Variants in OR10G3 observed in about 807,000 individuals in gnomAD.
OR10G3 encodes the protein olfactory receptor 10G3.
OR10G3 carries 8 observed loss-of-function variants against 13.4 expected under a neutral mutation model. The ratio of observed to expected loss-of-function variants is 0.60; its 90% CI spans 0.35 to 1.08. The LOEUF is 1.08. OR10G3 is among the 50% of genes least tolerant of loss of function. The pLI is 0.02. For synonymous variants in OR10G3, 142 were observed against 156.1 expected (o/e 0.91, Z 0.67); for missense variants, 393 against 386.6 (o/e 1.02, Z -0.14).
At chr14:21,572,742 TGGATGGG>T (rs1329338993) in intron 1 of OR10G3, among the ~76,000 whole-genome samples, 2 of 152,104 alleles carry the variant, frequency 1.3e-5, no homozygotes, top group Non-Finnish European at 2.9e-5. Flanking sequence ...TGACCTTAAA[TGGATGGG>T]TTGATTTCTG....
chr14:21,576,000 C>T (rs1893125286), intron 1 of OR10G3, among the ~76,000 whole-genome samples: 1 of 152,138 alleles, frequency 6.6e-6, no homozygotes, highest in Non-Finnish European at 1.5e-5. Context: ...GCTCAAGTTC[C>T]CACACAGGTT....
At chr14:21,578,481 A>G (rs1484321836) in intron 1 of OR10G3, among the ~76,000 whole-genome samples, 1 of 152,122 alleles carries the variant, frequency 6.6e-6, no homozygotes. Flanking sequence ...TGTTTGAAAA[A>G]TATATGAGAA....
At position 21,569,953 on chromosome 14, in the gene OR10G3, T is replaced by A; in HGVS notation, c.792A>T (p.Glu264Asp). ...VPCAFIYLRP[E>D]TNSPLDGAAA... ...CTGCCCCATCCAGGGGGCTGTTGGT[T>A]TCAGGCCTCAGGTAGATGAAGGCAC... Residue 264 changes from glutamate to aspartate, a missense_variant, in exon 2 of 2, where the codon GAA (glutamate) becomes GAT (aspartate). By Grantham distance (45) the Glu-to-Asp change is conservative (BLOSUM62 2). Coordinates refer to ENST00000641040, the MANE Select transcript of OR10G3 (RefSeq NM_001005465.2). The A allele has an allele frequency of 6.2e-7, 1 of 1,612,674 alleles. No individual in the cohort carries two copies. Among genetic ancestry groups the A allele is most frequent in the Non-Finnish European group, 8.5e-7 (1 of 1,179,140 alleles).
chr14:21,568,694 CTTTG>C lies in OR10G3; in HGVS notation c.*1105_*1108del, dbSNP rs1566535023. The C allele has an allele frequency of 2.9e-5, 3 of 102,766 alleles. No homozygotes were observed. The East Asian group carries it at 1.0e-3, about 35-fold the overall frequency. 6.4% of individuals were successfully genotyped at this position (102,766 alleles called of 1,614,324 possible). The stretch of plus-strand genomic sequence containing the variant: ...TCACCCCTGTGTTAGTCAGGGGTCT[CTTTG>C]TTTTTTTTTTTTTTATTTTTTTATT... On this transcript the variant is annotated 3_prime_UTR_variant, in exon 2 of 2. Coordinates refer to ENST00000641040, the MANE Select transcript of OR10G3 (RefSeq NM_001005465.2).
At chr14:21,576,570 T>C (rs1389555090) in intron 1 of OR10G3, among the ~76,000 whole-genome samples, 5 of 152,240 alleles carry the variant, frequency 3.3e-5, no homozygotes, top group Non-Finnish European at 5.9e-5. Flanking sequence ...ATTTTCTCCC[T>C]GAATTTCTAT....
intron 1 of OR10G3, among the ~76,000 whole-genome samples, chr14:21,571,834 T>C (rs1214485154): frequency 6.6e-6 from 1 of 151,966 alleles, no homozygotes; most frequent in Non-Finnish European, 1.5e-5. Context: ...CTACCATGCC[T>C]GGCTAATTTT....
Position 21,570,032 on chromosome 14 carries a change from G to C in OR10G3, c.713C>G (p.Ala238Gly). ...TACATGGGCTCCACAAGTTGAAAAA[G>C]CCCGGCGCCGCCCATCAGCTGTGTG... ...RIHTADGRRR[A>G]FSTCGAHVTV... The change falls in exon 2 of 2, where the codon GCT becomes GGT. Residue 238 changes from alanine to glycine, a missense_variant. Ala to Gly is a moderately conservative substitution (Grantham distance 60). Transcript: ENST00000641040. The C allele has an allele frequency of 6.2e-7, 1 of 1,614,204 alleles. No homozygotes were observed. Among genetic ancestry groups the C allele is most frequent in the East Asian group, 2.2e-5 (1 of 44,886 alleles).
intron 1 of OR10G3, among the ~76,000 whole-genome samples, chr14:21,572,954 A>G (rs1026045306): frequency 6.6e-6 from 1 of 152,210 alleles, no homozygotes; most frequent in Non-Finnish European, 1.5e-5. Flanking sequence ...CTCTTCAATA[A>G]ATGGTGTTGG....
Position 21,570,455 on chromosome 14 carries a change from C to A in OR10G3, c.290G>T (p.Gly97Val), listed in dbSNP as rs779007646. 30 of 1,614,024 alleles carry A rather than the reference C, an allele frequency of 1.9e-5. No homozygotes were observed. Among genetic ancestry groups the A allele is most frequent in the Non-Finnish European group, 2.5e-5 (29 of 1,180,050 alleles). ...TLGVKPIPFG[G>V]CVAQLYFYHF... ...ATAGAAATAGAGTTGAGCAACACAGCCACCAAATGGGATGGGTTTGACACC... is the reference window on the plus strand; with the variant it reads ...ATAGAAATAGAGTTGAGCAACACAGACACCAAATGGGATGGGTTTGACACC... The change falls in exon 2 of 2, where the codon GGC (glycine) becomes GTC (valine). Residue 97 changes from glycine to valine, a missense_variant. Physicochemically the swap from Gly to Val is moderately radical, Grantham distance 109. Coordinates refer to ENST00000641040, the MANE Select transcript of OR10G3 (RefSeq NM_001005465.2).
chr14:21,575,866 C>G (rs759695577), intron 1 of OR10G3, among the ~76,000 whole-genome samples: 3 of 152,204 alleles, frequency 2.0e-5, no homozygotes, highest in Non-Finnish European at 4.4e-5. Context: ...CAGTTTTAAA[C>G]ATTATAGCCA....
Position 21,570,081 on chromosome 14 carries a change from T to G in OR10G3, c.664A>C (p.Ile222Leu). The G allele has an allele frequency of 6.2e-7, 1 of 1,614,170 alleles. No individual in the cohort carries two copies. Among genetic ancestry groups the G allele is most frequent in the Non-Finnish European group, 8.5e-7 (1 of 1,180,032 alleles). ...FSLILLSYIQ[I>L]IQAILRIHTA... ...TGGATTCTCAGGATGGCCTGAATGA[T>G]CTGTATGTAGGAGAGGAGGATCAGG... The change falls in exon 2 of 2, where the codon ATC (isoleucine) becomes CTC (leucine). Residue 222 changes from isoleucine to leucine, a missense_variant. By Grantham distance (5) the Ile-to-Leu change is conservative. Coordinates refer to ENST00000641040, the MANE Select transcript of OR10G3 (RefSeq NM_001005465.2).
intron 1 of OR10G3, among the ~76,000 whole-genome samples, chr14:21,577,182 TAAAAGAGAG>T (rs1475322331): frequency 1.4e-5 from 2 of 146,356 alleles, no homozygotes; most frequent in African/African-American, 5.3e-5. Context: ...CTTTCAAAAA[TAAAAGAGAG>T]AGAGAGAGAG....
intron 1 of OR10G3, among the ~76,000 whole-genome samples, chr14:21,571,029 CAT>C (rs1893063233): frequency 6.6e-6 from 1 of 152,194 alleles, no homozygotes; most frequent in Admixed American, 6.5e-5. Flanking sequence ...GCTTGCAAAA[CAT>C]AAACTATTTA....
rs1248873128 is a variant in OR10G3 at position 21,570,751 on chromosome 14, G to C, written c.-7C>G. On this transcript the variant is annotated 5_prime_UTR_variant, in exon 2 of 2. Transcript: ENST00000641040. ...TGCTGTTGATTCTTTCCATATCCCA[G>C]AGAATCTTACCTAGAGAATGGACAA... 1 of 1,555,402 alleles carries C rather than the reference G, an allele frequency of 6.4e-7. No homozygotes were observed. The highest frequency in any genetic ancestry group is 1.4e-5 in the African/African-American group (1 of 73,528).
Position 21,570,693 on chromosome 14 carries a change from G to T in OR10G3, c.52C>A (p.Pro18Thr), listed in dbSNP as rs762079894. 50 of 1,604,650 alleles carry T rather than the reference G, an allele frequency of 3.1e-5. No homozygotes were observed. The highest frequency in any genetic ancestry group is 4.2e-5 in the Non-Finnish European group (50 of 1,179,544). Residue 18 changes from proline to threonine, a missense_variant, in exon 2 of 2, where the codon CCG becomes ACG. Coordinates refer to ENST00000641040, the MANE Select transcript of OR10G3 (RefSeq NM_001005465.2). ...AGTGTCCTTAGCCTGAGTGGATACGGAATTCCTGTCAGGATAAACGCAGTC... is the reference window on the plus strand; with the variant it reads ...AGTGTCCTTAGCCTGAGTGGATACGTAATTCCTGTCAGGATAAACGCAGTC... ...LLTAFILTGI[P>T]YPLRLRTLFF...
rs1317641704 is a variant in OR10G3, at chr14:21,568,975, C to T, written c.*828G>A. 6.6e-6 allele frequency: 1 copy of T among 151,594 alleles called. No individual in the cohort carries two copies. Among genetic ancestry groups the T allele is most frequent in the East Asian group, 1.9e-4 (1 of 5,184 alleles). The allele number at this position is 151,594 out of a possible 1,614,324, so 9.4% of individuals were successfully genotyped here. On this transcript the variant is annotated 3_prime_UTR_variant, in exon 2 of 2. Transcript: ENST00000641040. ...TCAGCATCCCAAAGTGCTGGGATTA[C>T]AAGCGTGAGCCACCGCGCCCAGCGT...
chr14:21,573,133 A>G (rs1893089577), intron 1 of OR10G3, among the ~76,000 whole-genome samples: 1 of 152,212 alleles, frequency 6.6e-6, no homozygotes, highest in Non-Finnish European at 1.5e-5. Context: ...AATGTCATAT[A>G]TATTCAACAG....
At chr14:21,574,273 A>G (rs1893103038) in intron 1 of OR10G3, among the ~76,000 whole-genome samples, 1 of 141,514 alleles carries the variant, frequency 7.1e-6, no homozygotes, top group African/African-American at 2.6e-5. Flanking sequence ...ACTGTACTCC[A>G]GCCTGGGCCA....
intron 1 of OR10G3, chr14:21,575,079 T>C (rs1048294163): frequency 1.3e-5 from 2 of 152,208 alleles, no homozygotes; most frequent in Admixed American, 1.3e-4. Flanking sequence ...TTCAAGTCTT[T>C]TTTGTTTTAT....
Sources: gnomAD v4.1 joint callset for allele counts (sites outside exome capture counted in the v4.1 genomes callset) on GRCh38, gnomAD v4.1.1 for gene constraint, MANE v1.5 for transcripts, NCBI Gene and HGNC (gene_info 2026-07-23, HGNC 2026-07-21) for gene names.